Variants in SFXN1 observed in about 807,000 individuals in gnomAD.
The protein encoded by SFXN1 is sideroflexin 1.
Under a neutral mutation model 39.5 loss-of-function variants are expected in SFXN1, and 32 were observed. The ratio of observed to expected loss-of-function variants is 0.81; its 90% CI spans 0.61 to 1.09. The LOEUF (loss-of-function observed/expected upper bound fraction) is 1.09. Ranked by LOEUF, SFXN1 falls within the 50% of genes least tolerant of loss-of-function variation. SFXN1 has a pLI of 0.00. For synonymous variants in SFXN1, 136 were observed against 146.5 expected (o/e 0.93, Z 0.52); for missense variants, 402 against 407.1 (o/e 0.99, Z 0.11).
intron 8 of SFXN1, 121 bp downstream of exon 8, chr5:175,516,784 A>C (rs1258317671): frequency 1.1e-6 from 1 of 906,018 alleles, no homozygotes; most frequent in Non-Finnish European, 1.6e-6. Context: ...CTGGGCTCTT[A>C]CGTAAATAAA....
At chr5:175,495,707 C>G (rs1345759729) in intron 2 of SFXN1, among the ~76,000 whole-genome samples, 1 of 136,888 alleles carries the variant, frequency 7.3e-6, no homozygotes, top group Non-Finnish European at 1.6e-5. Flanking sequence ...CCAGCCTGGG[C>G]AACAGAGCAA....
At chr5:175,522,022 G>A in intron 9 of SFXN1, 54 bp downstream of exon 9, 1 of 1,442,388 alleles carries the variant, frequency 6.9e-7, no homozygotes, top group Non-Finnish European at 9.6e-7. Context: ...TAAATACACA[G>A]CGTATGAAAG....
Position 175,527,835 on chromosome 5 carries a change from A to G in SFXN1, c.*1101A>G, listed in dbSNP as rs1581339728. On this transcript the variant is annotated 3_prime_UTR_variant, in exon 11 of 11. Coordinates refer to ENST00000321442, the MANE Select transcript of SFXN1 (RefSeq NM_022754.7). ...ATGACAGATTATGTTTCAACTCTGTAGATGTTTAACGTCATAGACAGTTGG... is the reference window on the plus strand; with the variant it reads ...ATGACAGATTATGTTTCAACTCTGTGGATGTTTAACGTCATAGACAGTTGG... 6.6e-6 allele frequency: 1 copy of G among 152,128 alleles called. No individual in the cohort carries two copies. Among genetic ancestry groups the G allele is most frequent in the African/African-American group, 2.4e-5 (1 of 41,438 alleles). 9.4% of individuals were successfully genotyped at this position (152,128 alleles called of 1,614,324 possible).
At chr5:175,518,541 A>T (rs1760783596) in intron 8 of SFXN1, among the ~76,000 whole-genome samples, 1 of 152,196 alleles carries the variant, frequency 6.6e-6, no homozygotes, top group South Asian at 2.1e-4. Context: ...CAGCGTTTAA[A>T]GTTTGGGGCA....
chr5:175,516,800 G>C (rs985489923), intron 8 of SFXN1, 137 bp downstream of exon 8: 7 of 783,398 alleles, frequency 8.9e-6, no homozygotes, highest in Non-Finnish European at 1.4e-5. Context: ...ATAAAAAGAT[G>C]TTCCCAGGAA....
At chr5:175,522,525 C>A in intron 10 of SFXN1, 103 bp downstream of exon 10, 1 of 1,194,314 alleles carries the variant, frequency 8.4e-7, no homozygotes, top group Non-Finnish European at 1.2e-6. Flanking sequence ...GAAGTTGAGA[C>A]TCAAAAGATA....
Position 175,515,205 on chromosome 5 carries a change from CAG to C in SFXN1, c.725-1408_725-1407del, listed in dbSNP as rs371140022. The stretch of plus-strand genomic sequence containing the variant: ...CTGATTTTTGTATATTTTGTAGAAA[CAG>C]GGTTTTGGTATGTTGCCCAATTAGT... On this transcript the variant is annotated intron_variant, in intron 7 of 10. Transcript: ENST00000321442. Among the ~76,000 whole-genome samples the C allele has an allele frequency of 6.4e-4, 97 of 152,256 alleles. No homozygotes were observed. The East Asian group carries it at 0.015, about 24-fold the overall frequency.
Position 175,525,107 on chromosome 5 carries a change from TAAAAA to T in SFXN1, c.873-1529_873-1525del, listed in dbSNP as rs1473896737. ...ATTTCAAACAAACTCTCCTGGAAGATAAAAAAGAGAATACTCCCCATCATCCACCA... is the reference window on the plus strand; with the variant it reads ...ATTTCAAACAAACTCTCCTGGAAGATAGAGAATACTCCCCATCATCCACCA... On this transcript the variant is annotated intron_variant, in intron 10 of 10. Transcript: ENST00000321442. 3.9e-5 allele frequency among the ~76,000 whole-genome samples: 6 copies of T among 152,210 alleles called. No homozygotes were observed. In the South Asian group the frequency reaches 1.0e-3, roughly 26 times the overall value.
At chr5:175,506,330 A>G (rs1760291769) in intron 2 of SFXN1, among the ~76,000 whole-genome samples, 1 of 152,204 alleles carries the variant, frequency 6.6e-6, no homozygotes, top group South Asian at 2.1e-4. Context: ...ATCGCAGTGT[A>G]TAAAATACGC....
chr5:175,502,402 C>T (rs891124667), intron 2 of SFXN1, among the ~76,000 whole-genome samples: 4 of 152,184 alleles, frequency 2.6e-5, no homozygotes, highest in Non-Finnish European at 5.9e-5. Context: ...AAGGTTAGTT[C>T]AGCCTATGCC....
intron 8 of SFXN1, among the ~76,000 whole-genome samples, chr5:175,518,483 A>G (rs1156469149): frequency 6.6e-6 from 1 of 152,194 alleles, no homozygotes; most frequent in Non-Finnish European, 1.5e-5. Flanking sequence ...CTCAGGGAGC[A>G]TGTAGCATGA....
intron 2 of SFXN1, among the ~76,000 whole-genome samples, chr5:175,502,989 T>C (rs1156344002): frequency 6.6e-6 from 1 of 152,192 alleles, no homozygotes. Flanking sequence ...ACAAAATATG[T>C]ATCTACTCAC....
At chr5:175,520,665 A>G (rs1037464977) in intron 8 of SFXN1, among the ~76,000 whole-genome samples, 13 of 152,306 alleles carry the variant, frequency 8.5e-5, no homozygotes, top group Admixed American at 2.6e-4. Flanking sequence ...ACCAGAGTCT[A>G]CTTACAATGA....
chr5:175,486,912 A>G (rs557557380), intron 1 of SFXN1, among the ~76,000 whole-genome samples: 171 of 152,248 alleles, frequency 1.1e-3, no homozygotes, highest in Non-Finnish European at 2.2e-3. Flanking sequence ...TATAAAAGCT[A>G]CATATTAATT....
At chr5:175,518,944 TGAAAA>T (rs1224243027) in intron 8 of SFXN1, among the ~76,000 whole-genome samples, 2 of 151,908 alleles carry the variant, frequency 1.3e-5, no homozygotes. Flanking sequence ...ATACAGAAAA[TGAAAA>T]GAGAAGAAAC....
chr5:175,513,351 C>T lies in SFXN1; in HGVS notation c.597-112C>T, dbSNP rs528079721. On this transcript the variant is annotated intron_variant, in intron 6 of 10. Coordinates refer to ENST00000321442, the MANE Select transcript of SFXN1 (RefSeq NM_022754.7). Reference sequence around the variant, plus strand: ...AGATGTGTCAGTACCAAAAATGACACTTGAGTGGGTATTTGAATTAAGTAG... The same window carrying T: ...AGATGTGTCAGTACCAAAAATGACATTTGAGTGGGTATTTGAATTAAGTAG... The T allele has an allele frequency of 1.2e-3, 832 of 682,974 alleles. 2 individuals are homozygous for T. Among genetic ancestry groups the T allele is most frequent in the Non-Finnish European group, 1.3e-3 (604 of 457,726 alleles). The allele number at this position is 682,974 out of a possible 1,614,324, so 42.3% of individuals were successfully genotyped here. A position where few individuals can be genotyped will look rare whatever the true frequency, so the allele number is the denominator to read the frequency against.
At chr5:175,487,649 C>T (rs1364527127) in intron 1 of SFXN1, among the ~76,000 whole-genome samples, 2 of 152,096 alleles carry the variant, frequency 1.3e-5, no homozygotes, top group Admixed American at 6.5e-5. Context: ...CTCATCACAT[C>T]GCATGACTTT....
At chr5:175,497,238 G>T (rs1581278698) in intron 2 of SFXN1, among the ~76,000 whole-genome samples, 1 of 152,130 alleles carries the variant, frequency 6.6e-6, no homozygotes, top group Non-Finnish European at 1.5e-5. Context: ...AAATCAGTAT[G>T]TAAGAAATAA....
Position 175,528,252 on chromosome 5 carries a change from A to G in SFXN1, c.*1518A>G, listed in dbSNP as rs1469758176. On this transcript the variant is annotated 3_prime_UTR_variant, in exon 11 of 11. Coordinates refer to ENST00000321442, the MANE Select transcript of SFXN1 (RefSeq NM_022754.7). Reference sequence around the variant, plus strand: ...AGATAAAAAATATACATAACGATGAAAAATAATACAAATTTAAAAACCAAT... The same window carrying G: ...AGATAAAAAATATACATAACGATGAGAAATAATACAAATTTAAAAACCAAT... 2 of 152,204 alleles carry G rather than the reference A, an allele frequency of 1.3e-5. No individual in the cohort carries two copies. Among genetic ancestry groups the G allele is most frequent in the Admixed American group, 1.3e-4 (2 of 15,278 alleles). The allele number at this position is 152,204 out of a possible 1,614,324, so 9.4% of individuals were successfully genotyped here.
Sources: allele counts gnomAD v4.1 joint callset (sites outside exome capture counted in the v4.1 genomes callset), GRCh38; gene constraint gnomAD v4.1.1; transcripts MANE v1.5; gene names NCBI Gene and HGNC (gene_info 2026-07-23, HGNC 2026-07-21).